The following FMN2 variants were observed in gnomAD, a reference collection of about 807,000 sequenced individuals.
FMN2 encodes formin 2.
FMN2 carries 51 observed loss-of-function variants against 142.3 expected under a neutral mutation model. The observed-to-expected ratio is 0.36, with a 90% CI of 0.29 to 0.45. The LOEUF is 0.45. FMN2 is among the 20% of genes least tolerant of loss of function. FMN2 has a pLI of 1.00. For synonymous variants in FMN2, 882 were observed against 869.8 expected (o/e 1.01, Z -0.25); for missense variants, 1,936 against 2,122.8 (o/e 0.91, Z 1.73).
At position 240,121,735 on chromosome 1, in the gene FMN2, T is replaced by TAAAAAA. The variant is rs71168898; in HGVS notation, c.1616-1418_1616-1413dup. ...CTCTTGCCTTTTTTTAGGGAAATAG[T>TAAAAAA]AAAAAAAAAAAAAAAAAAAAAAAAA... On this transcript the variant is annotated intron_variant, in intron 1 of 17. Transcript: ENST00000319653. Among the ~76,000 whole-genome samples, 121 of 25,676 alleles carry TAAAAAA rather than the reference T, an allele frequency of 4.7e-3. 16 individuals carry two copies. Among genetic ancestry groups the TAAAAAA allele is most frequent in the African/African-American group, 8.6e-3 (57 of 6,614 alleles). 16.8% of individuals were successfully genotyped at this position (25,676 alleles called of 152,430 possible).
intron 6 of FMN2, among the ~76,000 whole-genome samples, chr1:240,247,681 A>G (rs571133628): frequency 1.3e-5 from 2 of 152,272 alleles, no homozygotes; most frequent in South Asian, 4.1e-4. Flanking sequence ...ATGGACAGGA[A>G]GGGATGAGAT....
At chr1:240,296,672 G>T (rs201983656) in intron 8 of FMN2, among the ~76,000 whole-genome samples, 10 of 144,082 alleles carry the variant, frequency 6.9e-5, no homozygotes, top group East Asian at 2.0e-4. Flanking sequence ...CTTGAGTTTG[G>T]TTTTTTTTTT....
chr1:240,202,363 C>A (rs1026238682), intron 4 of FMN2, among the ~76,000 whole-genome samples: 6 of 152,082 alleles, frequency 3.9e-5, no homozygotes, highest in African/African-American at 7.2e-5. Flanking sequence ...AGTATTATGA[C>A]CTCTGTTACC....
intron 14 of FMN2, among the ~76,000 whole-genome samples, chr1:240,387,962 G>C (rs891745367): frequency 2.0e-5 from 3 of 151,896 alleles, no homozygotes; most frequent in African/African-American, 7.3e-5. Context: ...TGGATCACGA[G>C]GTCAGGAGAT....
chr1:240,223,442 T>A (rs1667191736), intron 6 of FMN2, among the ~76,000 whole-genome samples: 1 of 152,170 alleles, frequency 6.6e-6, no homozygotes, highest in African/African-American at 2.4e-5. Context: ...GGCCTGAAAT[T>A]TTTTTGTTTT....
intron 16 of FMN2, among the ~76,000 whole-genome samples, chr1:240,439,279 A>AAAAAAAAAAAAAAAAAAGAAAG (rs555074808): frequency 1.0e-4 from 13 of 124,714 alleles, no homozygotes; most frequent in Non-Finnish European, 1.8e-4. Flanking sequence ...TCAAAAAAAA[A>AAAAAAAAAAAAAAAAAAGAAAG]AAAGAAAGAA....
intron 8 of FMN2, among the ~76,000 whole-genome samples, chr1:240,296,438 CTT>C (rs772711130): frequency 0.012 from 540 of 46,920 alleles, 3 homozygotes; most frequent in African/African-American, 0.05. Flanking sequence ...TCTTTGAGTG[CTT>C]TTTTTTTTTT....
intron 13 of FMN2, among the ~76,000 whole-genome samples, chr1:240,334,462 C>G (rs1265859147): frequency 6.6e-6 from 1 of 152,150 alleles, no homozygotes; most frequent in East Asian, 1.9e-4. Context: ...AATTAACAAT[C>G]TGTCTTGTCA....
intron 15 of FMN2, among the ~76,000 whole-genome samples, chr1:240,393,120 G>C (rs781697084): frequency 6.6e-6 from 1 of 151,356 alleles, no homozygotes; most frequent in Non-Finnish European, 1.5e-5. Context: ...ACACACACAG[G>C]CATACCTCAT....
At chr1:240,142,610 A>G in intron 2 of FMN2, 1 of 1,500,614 alleles carries the variant, frequency 6.7e-7, no homozygotes, top group Non-Finnish European at 9.1e-7. Context: ...CACCCTTGGC[A>G]GCAGGATGCA....
At chr1:240,149,535 TTTC>T (rs1663672546) in intron 2 of FMN2, among the ~76,000 whole-genome samples, 1 of 152,234 alleles carries the variant, frequency 6.6e-6, no homozygotes, top group Non-Finnish European at 1.5e-5. Context: ...AAGGTTGACA[TTTC>T]TTTTTGGCAT....
chr1:240,381,982 G>A (rs555321008), intron 14 of FMN2, among the ~76,000 whole-genome samples: 1 of 152,030 alleles, frequency 6.6e-6, no homozygotes, highest in African/African-American at 2.4e-5. Flanking sequence ...AAGCAATCAA[G>A]CAAGAAAAAG....
chr1:240,367,563 T>C (rs1178122366), intron 14 of FMN2, among the ~76,000 whole-genome samples: 3 of 151,822 alleles, frequency 2.0e-5, no homozygotes, highest in Non-Finnish European at 4.4e-5. Flanking sequence ...GGTCAGGAGA[T>C]CGAGACCATC....
At chr1:240,415,411 G>A (rs571087644) in intron 15 of FMN2, among the ~76,000 whole-genome samples, 1 of 152,056 alleles carries the variant, frequency 6.6e-6, no homozygotes, top group Admixed American at 6.6e-5. Flanking sequence ...GGGAGGGATA[G>A]CATTAGGAGA....
At chr1:240,265,949 T>C (rs2102910709) in intron 7 of FMN2, among the ~76,000 whole-genome samples, 1 of 143,516 alleles carries the variant, frequency 7.0e-6, no homozygotes, top group East Asian at 2.2e-4. Context: ...TTCATTGCCC[T>C]GAACAGACTC....
intron 1 of FMN2, among the ~76,000 whole-genome samples, chr1:240,112,556 CTT>C (rs1049752406): frequency 3.9e-5 from 6 of 152,208 alleles, no homozygotes; most frequent in African/African-American, 1.4e-4. Context: ...GCCCAAGAAA[CTT>C]TGCCCGTCTC....
intron 8 of FMN2, among the ~76,000 whole-genome samples, chr1:240,322,167 C>T (rs1006831464): frequency 5.4e-5 from 8 of 147,924 alleles, no homozygotes; most frequent in Non-Finnish European, 7.4e-5. Flanking sequence ...TACTGAAAGT[C>T]TATTGCTTTT....
chr1:240,142,938 T>A, intron 2 of FMN2: 1 of 1,605,456 alleles, frequency 6.2e-7, no homozygotes, highest in South Asian at 1.1e-5. Flanking sequence ...CACCAGCCCA[T>A]ACAATACATA....
chr1:240,261,908 G>A (rs1420688678), intron 7 of FMN2, among the ~76,000 whole-genome samples: 1 of 152,112 alleles, frequency 6.6e-6, no homozygotes, highest in Non-Finnish European at 1.5e-5. Flanking sequence ...TGAAGTCTGA[G>A]ATGAAAGTGC....
Sources: allele counts gnomAD v4.1 joint callset (sites outside exome capture counted in the v4.1 genomes callset), GRCh38; gene constraint gnomAD v4.1.1; transcripts MANE v1.5; gene names NCBI Gene and HGNC (gene_info 2026-07-23, HGNC 2026-07-21).